CSMD1: variants seen among roughly 807,000 people sequenced by gnomAD.
CSMD1 encodes the protein CUB and Sushi multiple domains 1, also known as CUB and sushi domain-containing protein 1.
Under a neutral mutation model 417.5 loss-of-function variants are expected in CSMD1, and 213 were observed. That is an observed-to-expected ratio of 0.51 (90% CI 0.46 to 0.57). The LOEUF (loss-of-function observed/expected upper bound fraction) is 0.57. Ranked by LOEUF, CSMD1 falls within the 20% of genes least tolerant of loss-of-function variation. CSMD1 has a pLI of 0.00. For missense variants in CSMD1, 6,923 were observed against 4,529.7 expected, an observed-to-expected ratio of 1.53 and a Z score of -15.17; for synonymous variants, 2,862 against 1,736.8, an observed-to-expected ratio of 1.65 and a Z score of -16.11.
At chr8:3,892,191 G>T (rs1395854575) in intron 5 of CSMD1, among the ~76,000 whole-genome samples, 3 of 152,156 alleles carry the variant, frequency 2.0e-5, no homozygotes, top group Non-Finnish European at 4.4e-5. Flanking sequence ...TGCTTCCAAT[G>T]TGTAGCCCTA....
chr8:4,029,311 A>G (rs548500727), intron 4 of CSMD1, among the ~76,000 whole-genome samples: 2 of 152,322 alleles, frequency 1.3e-5, no homozygotes, highest in East Asian at 1.9e-4. Context: ...CACGCTGGTG[A>G]TAATGCATAC....
chr8:4,060,323 C>T (rs191447873), intron 3 of CSMD1, among the ~76,000 whole-genome samples: 2 of 152,208 alleles, frequency 1.3e-5, no homozygotes, highest in Non-Finnish European at 2.9e-5. Context: ...TATGACAAAC[C>T]CACAGCCGAT....
chr8:3,869,665 C>T (rs1805344884), intron 5 of CSMD1, among the ~76,000 whole-genome samples: 1 of 152,100 alleles, frequency 6.6e-6, no homozygotes, highest in Non-Finnish European at 1.5e-5. Context: ...CTAGTTGCCA[C>T]AGGAGGAAAG....
At chr8:4,159,437 T>A (rs931123163) in intron 3 of CSMD1, among the ~76,000 whole-genome samples, 4 of 152,216 alleles carry the variant, frequency 2.6e-5, no homozygotes, top group African/African-American at 9.7e-5. Context: ...TGCACATGAA[T>A]GTTTATGGCA....
At chr8:4,066,062 G>C (rs192919510) in intron 3 of CSMD1, among the ~76,000 whole-genome samples, 21 of 152,310 alleles carry the variant, frequency 1.4e-4, no homozygotes, top group Non-Finnish European at 2.6e-4. Flanking sequence ...GGAAAGCCTG[G>C]AATAGGTGGC....
intron 1 of CSMD1, among the ~76,000 whole-genome samples, chr8:4,673,021 A>C (rs1054749917): frequency 6.6e-6 from 1 of 152,118 alleles, no homozygotes; most frequent in African/African-American, 2.4e-5. Context: ...GACATGGCAC[A>C]CACGCACACG....
At chr8:4,895,888 T>A (rs901048080) in intron 1 of CSMD1, among the ~76,000 whole-genome samples, 1 of 152,158 alleles carries the variant, frequency 6.6e-6, no homozygotes, top group Non-Finnish European at 1.5e-5. Flanking sequence ...ACTTCCCCTG[T>A]TGTAAATACG....
At chr8:3,440,973 G>C (rs1040389496) in intron 12 of CSMD1, among the ~76,000 whole-genome samples, 2 of 152,150 alleles carry the variant, frequency 1.3e-5, no homozygotes, top group Non-Finnish European at 2.9e-5. Context: ...TTTGCAGATG[G>C]AATGTAGTTA....
chr8:3,220,381 G>T (rs142758408), intron 28 of CSMD1, among the ~76,000 whole-genome samples: 1 of 152,068 alleles, frequency 6.6e-6, no homozygotes, highest in East Asian at 1.9e-4. Flanking sequence ...AAATTCAAAG[G>T]TGTCAAGGGC....
intron 1 of CSMD1, among the ~76,000 whole-genome samples, chr8:4,698,112 A>T (rs192183612): frequency 1.5e-4 from 23 of 149,676 alleles, no homozygotes; most frequent in Non-Finnish European, 2.9e-4. Context: ...CAAATCTGTG[A>T]ACACTTTTGC....
At chr8:3,446,499 T>G (rs933072060) in intron 12 of CSMD1, among the ~76,000 whole-genome samples, 1 of 152,180 alleles carries the variant, frequency 6.6e-6, no homozygotes, top group Non-Finnish European at 1.5e-5. Context: ...TACTGAGTAG[T>G]TCATGGTCAT....
chr8:2,942,368 G>A, intron 69 of CSMD1, 104 bp downstream of exon 69: 1 of 948,236 alleles, frequency 1.1e-6, no homozygotes, highest in Non-Finnish European at 1.5e-6. Flanking sequence ...ACATTGCATA[G>A]TAATATAAAA....
intron 49 of CSMD1, among the ~76,000 whole-genome samples, chr8:3,081,882 C>T (rs73502457): frequency 3.3e-5 from 5 of 152,180 alleles, no homozygotes; most frequent in African/African-American, 4.8e-5. Flanking sequence ...TTTTCTTAGC[C>T]TCAGAGTCAC....
chr8:3,763,150 G>A (rs564010573), intron 5 of CSMD1, among the ~76,000 whole-genome samples: 1 of 152,208 alleles, frequency 6.6e-6, no homozygotes, highest in Non-Finnish European at 1.5e-5. Flanking sequence ...ATAAGCCAAA[G>A]AGGTCTCTTC....
chr8:4,880,384 G>C (rs914562948), intron 1 of CSMD1, among the ~76,000 whole-genome samples: 1 of 152,044 alleles, frequency 6.6e-6, no homozygotes, highest in Non-Finnish European at 1.5e-5. Context: ...CCACTTGTTT[G>C]CCTCCAAAAG....
At chr8:3,672,955 C>G (rs975633528) in intron 7 of CSMD1, among the ~76,000 whole-genome samples, 1 of 152,194 alleles carries the variant, frequency 6.6e-6, no homozygotes, top group African/African-American at 2.4e-5. Context: ...AATAACTTAT[C>G]TCGTTATTCC....
chr8:3,430,197 T>C (rs762213501), intron 12 of CSMD1, among the ~76,000 whole-genome samples: 1 of 152,192 alleles, frequency 6.6e-6, no homozygotes, highest in Non-Finnish European at 1.5e-5. Context: ...CTTCCCTCTT[T>C]GATACATCTT....
rs556304192 is a variant in CSMD1 at position 3,155,359 on chromosome 8, A to ATTTTTTTTTTTTTTTTTTTTTTTTTTTT, written c.5914+2537_5914+2538insAAAAAAAAAAAAAAAAAAAAAAAAAAAA. On this transcript the variant is annotated intron_variant, in intron 39 of 69. Transcript: ENST00000635120. ...TTTTTCCTTCCAAATCAAGGCTGGGATTTTTTTTTTTTTTTTTTTTTTTTT... is the reference window on the plus strand; with the variant it reads ...TTTTTCCTTCCAAATCAAGGCTGGGATTTTTTTTTTTTTTTTTTTTTTTTTTTTTTTTTTTTTTTTTTTTTTTTTTTTT... 2.1e-3 allele frequency among the ~76,000 whole-genome samples: 93 copies of ATTTTTTTTTTTTTTTTTTTTTTTTTTTT among 43,320 alleles called. 34 individuals carry two copies. The highest frequency in any genetic ancestry group is 3.6e-3 in the Non-Finnish European group (76 of 21,378). The allele number at this position is 43,320 out of a possible 152,430, so 28.4% of individuals were successfully genotyped here.
intron 1 of CSMD1, among the ~76,000 whole-genome samples, chr8:4,777,572 G>C (rs1307769937): frequency 1.3e-5 from 2 of 152,170 alleles, no homozygotes; most frequent in East Asian, 3.8e-4. Context: ...TTCCTTATCA[G>C]CTAATCCTAC....
Sources: allele counts gnomAD v4.1 joint callset (sites outside exome capture counted in the v4.1 genomes callset), GRCh38; gene constraint gnomAD v4.1.1; transcripts MANE v1.5; gene names NCBI Gene and HGNC (gene_info 2026-07-23, HGNC 2026-07-21).